The following PRDM5 variants were observed in gnomAD, a reference collection of about 807,000 sequenced individuals.
The protein encoded by PRDM5 is PR/SET domain 5, also known as PR domain zinc finger protein 5.
PRDM5 carries 56 observed loss-of-function variants against 81.2 expected under a neutral mutation model. The ratio of observed to expected loss-of-function variants is 0.69; its 90% CI spans 0.56 to 0.86. The LOEUF (loss-of-function observed/expected upper bound fraction) is 0.86. PRDM5 is among the 40% of genes least tolerant of loss of function. PRDM5 has a pLI of 0.00. For missense variants in PRDM5, 697 were observed against 770.1 expected (o/e 0.91, Z 1.12); for synonymous variants, 267 against 256.4 (o/e 1.04, Z -0.39).
chr4:120,775,710 C>A (rs1189166183), intron 13 of PRDM5, among the ~76,000 whole-genome samples: 1 of 152,156 alleles, frequency 6.6e-6, no homozygotes, highest in Non-Finnish European at 1.5e-5. Flanking sequence ...ACTAATACAG[C>A]ATGATATCTG....
intron 14 of PRDM5, among the ~76,000 whole-genome samples, chr4:120,752,524 T>G (rs1214451976): frequency 6.6e-6 from 1 of 152,172 alleles, no homozygotes; most frequent in Non-Finnish European, 1.5e-5. Context: ...CAAGGGACCA[T>G]CTGCAGCTGA....
chr4:120,818,893 A>G (rs1408626422), intron 4 of PRDM5, among the ~76,000 whole-genome samples: 1 of 152,198 alleles, frequency 6.6e-6, no homozygotes, highest in African/African-American at 2.4e-5. Flanking sequence ...GAAAAATCCA[A>G]CTGATGCAAA....
At chr4:120,784,336 T>C (rs1749451246) in intron 11 of PRDM5, among the ~76,000 whole-genome samples, 1 of 151,998 alleles carries the variant, frequency 6.6e-6, no homozygotes, top group African/African-American at 2.4e-5. Flanking sequence ...AAAGAAGAAA[T>C]CTGAGACAGT....
At chr4:120,803,327 C>G (rs187099666) in intron 8 of PRDM5, among the ~76,000 whole-genome samples, 67 of 152,214 alleles carry the variant, frequency 4.4e-4, no homozygotes, top group African/African-American at 1.2e-3. Context: ...GCAAGGCAGG[C>G]CAACATTCAA....
downstream of PRDM5, among the ~76,000 whole-genome samples, chr4:120,684,752 C>T (rs1311223473): frequency 1.3e-5 from 2 of 151,598 alleles, no homozygotes; most frequent in Non-Finnish European, 2.9e-5. Context: ...CAAAAATTAT[C>T]TCAAAGAATA....
At position 120,741,909 on chromosome 4, in the gene PRDM5, A is replaced by C. The variant is rs530673139; in HGVS notation, c.1623+12644T>G. The stretch of plus-strand genomic sequence containing the variant: ...TAAACAAAGCAGCCAGCCAGCTCAA[A>C]CTGGGTGGAGCCCACCACAGCTCAA... On this transcript the variant is annotated intron_variant, in intron 14 of 15. Coordinates refer to ENST00000264808, the MANE Select transcript of PRDM5 (RefSeq NM_018699.4). Among the ~76,000 whole-genome samples, 29 of 152,288 alleles carry C rather than the reference A, an allele frequency of 1.9e-4. No homozygotes were observed. The East Asian group carries it at 4.1e-3, about 21-fold the overall frequency.
intron 3 of PRDM5, among the ~76,000 whole-genome samples, chr4:120,839,675 G>A (rs1449232782): frequency 6.6e-6 from 1 of 152,160 alleles, no homozygotes; most frequent in Non-Finnish European, 1.5e-5. Context: ...CAGCCTTCAG[G>A]CAATCCCTAG....
In PRDM5 at chr4:120,712,812, A is replaced by G. The variant is rs145817257; in HGVS notation, c.1624-2399T>C. Among the ~76,000 whole-genome samples, 44 of 152,340 alleles carry G rather than the reference A, an allele frequency of 2.9e-4. No homozygotes were observed. The East Asian group carries it at 5.4e-3, about 19-fold the overall frequency. On this transcript the variant is annotated intron_variant, in intron 14 of 15. Transcript: ENST00000264808. Reference sequence around the variant, plus strand: ...ACTAATTTTCAATGTTGGGCATATGACATTAAATAGCTGTATACCACAATT... The same window carrying G: ...ACTAATTTTCAATGTTGGGCATATGGCATTAAATAGCTGTATACCACAATT...
At position 120,891,985 on chromosome 4, in the gene PRDM5, C is replaced by T. The variant is rs571224998; in HGVS notation, c.177+15489G>A. Among the ~76,000 whole-genome samples, 17 of 152,294 alleles carry T rather than the reference C, an allele frequency of 1.1e-4. No individual in the cohort carries two copies. The East Asian group carries it at 2.9e-3, about 26-fold the overall frequency. On this transcript the variant is annotated intron_variant, in intron 2 of 15. Coordinates refer to ENST00000264808, the MANE Select transcript of PRDM5 (RefSeq NM_018699.4). ...ACTCTTAACACTGCTTTAGCTGTAT[C>T]GCCAAGATTCTGGTATGTTGTATCT...
In PRDM5 at chr4:120,818,527, T is replaced by C; in HGVS notation, c.476A>G (p.Asp159Gly). The C allele has an allele frequency of 1.2e-6, 2 of 1,611,798 alleles. No homozygotes were observed. The highest frequency in any genetic ancestry group is 1.7e-6 in the Non-Finnish European group (2 of 1,177,936). Residue 159 changes from aspartate to glycine, a missense_variant and splice_region_variant, in exon 5 of 16, where the codon GAT becomes GGT. Physicochemically the swap from Asp to Gly is moderately conservative, Grantham distance 94 (BLOSUM62 -1). This residue lies in a region of PRDM5 where 577 missense variants were observed against 606.7 expected (regional missense o/e 0.95). Transcript: ENST00000264808. ...SRRQSTAGRK[D>G]RLGCKEDYAC... ...ATAGTCCTCTTTACAGCCAAGGCGA[T>C]CTGCACATTCACAAGGAAACATATT... is the stretch of plus-strand genomic sequence containing the variant.
intron 8 of PRDM5, among the ~76,000 whole-genome samples, chr4:120,806,708 T>A (rs1753021049): frequency 6.6e-6 from 1 of 152,134 alleles, no homozygotes; most frequent in Admixed American, 6.5e-5. Flanking sequence ...TCAAGATGGA[T>A]TAAAGACTTA....
chr4:120,915,869 G>A (rs911537810), intron 1 of PRDM5, among the ~76,000 whole-genome samples: 5 of 152,106 alleles, frequency 3.3e-5, no homozygotes, highest in Non-Finnish European at 5.9e-5. Flanking sequence ...ATAAGAGGGC[G>A]AATGGAACAA....
chr4:120,837,323 A>C (rs1418931806), intron 3 of PRDM5: 2 of 152,216 alleles, frequency 1.3e-5, no homozygotes, highest in African/African-American at 4.8e-5. Flanking sequence ...AAAGTTTTTT[A>C]TGTTTTTTCT....
intron 2 of PRDM5, 57 bp downstream of exon 2, chr4:120,907,417 G>A (rs758651855): frequency 1.0e-4 from 137 of 1,343,206 alleles, no homozygotes; most frequent in Non-Finnish European, 1.3e-4. Flanking sequence ...CCTTAAAAAT[G>A]CATTAAATGG....
intron 14 of PRDM5, among the ~76,000 whole-genome samples, chr4:120,726,074 G>A (rs1739363977): frequency 6.6e-6 from 1 of 152,188 alleles, no homozygotes; most frequent in Non-Finnish European, 1.5e-5. Flanking sequence ...GTGCTACAGG[G>A]GCAGGGATGG....
In PRDM5 at chr4:120,744,286, T is replaced by C. The variant is rs192675082; in HGVS notation, c.1623+10267A>G. On this transcript the variant is annotated intron_variant, in intron 14 of 15. Transcript: ENST00000264808. ...TCTGGGACACATTCAAAGCAGTGTG[T>C]AGAGAGAAATTTATAGCACTAAATG... 3.2e-3 allele frequency among the ~76,000 whole-genome samples: 485 copies of C among 152,190 alleles called. 1 individual carries two copies. Among genetic ancestry groups the C allele is most frequent in the Non-Finnish European group, 4.1e-3 (279 of 68,020 alleles).
At chr4:120,760,513 T>C (rs1745451719) in intron 13 of PRDM5, among the ~76,000 whole-genome samples, 1 of 152,132 alleles carries the variant, frequency 6.6e-6, no homozygotes, top group African/African-American at 2.4e-5. Context: ...TAATAATATT[T>C]ACATATATAC....
chr4:120,710,638 C>G (rs1330882715), intron 14 of PRDM5, among the ~76,000 whole-genome samples: 2 of 152,108 alleles, frequency 1.3e-5, no homozygotes, highest in Non-Finnish European at 2.9e-5. Flanking sequence ...AATCATGGGG[C>G]TGGTTACCCC....
rs1170146270 is a variant in PRDM5 at position 120,779,797 on chromosome 4, G to T, written c.1443+1346C>A. Among the ~76,000 whole-genome samples, 3 of 152,028 alleles carry T rather than the reference G, an allele frequency of 2.0e-5. No individual in the cohort carries two copies. The East Asian group carries it at 5.8e-4, about 29-fold the overall frequency. ...AGGCACCTATAATCCCAGCTACTTGGGAGTTTGAGGCTCAAGAATTGCTTG... is the reference window on the plus strand; with the variant it reads ...AGGCACCTATAATCCCAGCTACTTGTGAGTTTGAGGCTCAAGAATTGCTTG... On this transcript the variant is annotated intron_variant, in intron 12 of 15. Coordinates refer to ENST00000264808, the MANE Select transcript of PRDM5 (RefSeq NM_018699.4).
Sources: allele counts gnomAD v4.1 joint callset (sites outside exome capture counted in the v4.1 genomes callset), GRCh38; gene constraint gnomAD v4.1.1; regional missense constraint gnomAD v4.1.1; transcripts MANE v1.5; gene names NCBI Gene and HGNC (gene_info 2026-07-23, HGNC 2026-07-21).